Variants in CNTN6 observed in about 807,000 individuals in gnomAD.
CNTN6 encodes contactin-6.
CNTN6 carries 137 observed loss-of-function variants against 122.8 expected under a neutral mutation model. That is an observed-to-expected ratio of 1.12 (90% CI 0.97 to 1.29). The LOEUF (loss-of-function observed/expected upper bound fraction) is 1.29. CNTN6 is among the 50% of genes most tolerant of loss of function. The pLI is 0.00. For missense variants in CNTN6, 1,634 were observed against 1,223.4 expected (o/e 1.34, Z -5.01); for synonymous variants, 570 against 426.0 (o/e 1.34, Z -4.16).
intron 1 of CNTN6, among the ~76,000 whole-genome samples, chr3:1,125,411 A>G (rs2092124332): frequency 6.6e-6 from 1 of 151,878 alleles, no homozygotes; most frequent in African/African-American, 2.4e-5. Flanking sequence ...AGCCTTTTAC[A>G]TCAATGGGCT....
intron 2 of CNTN6, among the ~76,000 whole-genome samples, chr3:1,193,432 A>G (rs1324414197): frequency 1.3e-5 from 2 of 152,204 alleles, no homozygotes; most frequent in Non-Finnish European, 2.9e-5. Context: ...CACATTATTT[A>G]AAAAGGTAAA....
chr3:1,315,887 G>A (rs155231), intron 7 of CNTN6, among the ~76,000 whole-genome samples: 89,157 of 151,680 alleles, frequency 0.59, 29,040 homozygotes, highest in African/African-American at 0.87. Context: ...TTGTGTAGCC[G>A]TTTCATTCAT....
intron 10 of CNTN6, among the ~76,000 whole-genome samples, chr3:1,327,926 A>C (rs543692805): frequency 6.6e-6 from 1 of 151,942 alleles, no homozygotes; most frequent in African/African-American, 2.4e-5. Flanking sequence ...ATCACAATTC[A>C]CAGTAACTAA....
At position 1,321,824 on chromosome 3, in the gene CNTN6, C is replaced by T. The variant is rs766733914; in HGVS notation, c.936C>T (p.Leu312=). ...LRGRNLAKGQ[L]IFYAPPEWEQ... ...GAAGAAACCTTGCAAAGGGTCAACT[C>T]ATTTTTTATGGTGAGCTAATTGGAT... is the stretch of plus-strand genomic sequence containing the variant. Residue 312 remains leucine, a synonymous_variant, in exon 8 of 23, where the codon CTC becomes CTT. Transcript: ENST00000446702. 1 of 1,602,030 alleles carries T rather than the reference C, an allele frequency of 6.2e-7. No homozygotes were observed. Among genetic ancestry groups the T allele is most frequent in the Non-Finnish European group, 8.5e-7 (1 of 1,174,710 alleles).
At chr3:1,279,170 C>T (rs9861138) in intron 5 of CNTN6, among the ~76,000 whole-genome samples, 9,971 of 152,204 alleles carry the variant, frequency 0.066, 399 homozygotes, top group African/African-American at 0.1. Flanking sequence ...CAATAAATGC[C>T]AGCCTCTACT....
chr3:1,235,691 A>G (rs1324657921), intron 4 of CNTN6, among the ~76,000 whole-genome samples: 5 of 152,152 alleles, frequency 3.3e-5, no homozygotes, highest in African/African-American at 1.2e-4. Context: ...ACATACCAGG[A>G]AAGCCGAGAG....
At chr3:1,242,710 G>A (rs867726748) in intron 4 of CNTN6, among the ~76,000 whole-genome samples, 123 of 152,040 alleles carry the variant, frequency 8.1e-4, no homozygotes, top group African/African-American at 2.7e-3. Context: ...GGAGAAGGGC[G>A]GCAATGAGAC....
At chr3:1,195,586 C>T (rs554211224) in intron 2 of CNTN6, among the ~76,000 whole-genome samples, 3 of 152,260 alleles carry the variant, frequency 2.0e-5, no homozygotes, top group African/African-American at 7.2e-5. Flanking sequence ...TCTATACAGA[C>T]ATCTTTATAG....
chr3:1,133,528 C>T (rs1488879762), intron 1 of CNTN6, among the ~76,000 whole-genome samples: 2 of 152,186 alleles, frequency 1.3e-5, no homozygotes, highest in African/African-American at 4.8e-5. Flanking sequence ...ACAAATCCTT[C>T]ACCTAGTGAG....
chr3:1,372,510 G>C (rs1320734580), intron 13 of CNTN6, 36 bp downstream of exon 13: 3 of 1,514,956 alleles, frequency 2.0e-6, no homozygotes, highest in Non-Finnish European at 1.8e-6. Context: ...TTAATAAAAT[G>C]AATCAAGTCT....
chr3:1,169,768 T>G (rs1012968125), intron 2 of CNTN6, among the ~76,000 whole-genome samples: 40 of 152,346 alleles, frequency 2.6e-4, no homozygotes, highest in African/African-American at 9.1e-4. Context: ...ATCAGATAAC[T>G]GGCTCAGGCT....
intron 11 of CNTN6, among the ~76,000 whole-genome samples, chr3:1,334,809 T>C (rs900464452): frequency 3.9e-5 from 6 of 152,160 alleles, no homozygotes; most frequent in African/African-American, 1.4e-4. Context: ...TTTTCTGTGT[T>C]GCTAAATTAA....
intron 1 of CNTN6, among the ~76,000 whole-genome samples, chr3:1,125,223 T>C (rs766867897): frequency 1.3e-5 from 2 of 151,978 alleles, no homozygotes; most frequent in Non-Finnish European, 2.9e-5. Flanking sequence ...CCTAATTGAC[T>C]AAAACTATAT....
chr3:1,360,602 A>AT (rs111539311), intron 12 of CNTN6, among the ~76,000 whole-genome samples: 9,959 of 151,324 alleles, frequency 0.066, 458 homozygotes, highest in African/African-American at 0.12. Flanking sequence ...GTATACACGT[A>AT]TTTTTTTTCT....
chr3:1,281,664 T>A (rs1467172239), intron 5 of CNTN6, among the ~76,000 whole-genome samples: 1 of 151,912 alleles, frequency 6.6e-6, no homozygotes, highest in Non-Finnish European at 1.5e-5. Context: ...GGGGTTTCAC[T>A]TCTGACCTCG....
At chr3:1,306,048 C>T (rs1575629465) in intron 7 of CNTN6, among the ~76,000 whole-genome samples, 1 of 152,148 alleles carries the variant, frequency 6.6e-6, no homozygotes, top group African/African-American at 2.4e-5. Context: ...GCTAGGCACA[C>T]TGAAATTTTT....
intron 20 of CNTN6, 149 bp downstream of exon 20, chr3:1,385,946 T>C: frequency 1.5e-6 from 1 of 657,388 alleles, no homozygotes; most frequent in South Asian, 2.4e-5. Flanking sequence ...GGATACTTGT[T>C]GAAACCTTTT....
intron 4 of CNTN6, among the ~76,000 whole-genome samples, chr3:1,245,320 A>AACATATATATATAT (rs2094566810): frequency 3.3e-5 from 1 of 30,092 alleles, no homozygotes; most frequent in African/African-American, 1.2e-4. Flanking sequence ...ATATATATAT[A>AACATATATATATAT]TATATATATA....
At chr3:1,299,546 C>T (rs1455022485) in intron 7 of CNTN6, among the ~76,000 whole-genome samples, 2 of 152,062 alleles carry the variant, frequency 1.3e-5, no homozygotes, top group Non-Finnish European at 2.9e-5. Flanking sequence ...ATTTATGATA[C>T]AATATATATA....
Sources: allele counts gnomAD v4.1 joint callset (sites outside exome capture counted in the v4.1 genomes callset), GRCh38; gene constraint gnomAD v4.1.1; transcripts MANE v1.5; gene names NCBI Gene and HGNC (gene_info 2026-07-23, HGNC 2026-07-21).